KCNMA1: variants seen among roughly 807,000 people sequenced by gnomAD.
KCNMA1 encodes the protein potassium calcium-activated channel subfamily M alpha 1.
KCNMA1 carries 29 observed loss-of-function variants against 140.0 expected under a neutral mutation model. The observed-to-expected ratio is 0.21, with a 90% CI of 0.15 to 0.28. KCNMA1 has a LOEUF of 0.28. KCNMA1 is among the 10% of genes least tolerant of loss of function. The pLI, the probability that KCNMA1 is intolerant of heterozygous loss-of-function variation, is 1.00. For synonymous variants in KCNMA1, 612 were observed against 611.9 expected, an observed-to-expected ratio of 1.00 and a Z score of 0.00; for missense variants, 880 against 1,602.2, an observed-to-expected ratio of 0.55 and a Z score of 7.70.
In KCNMA1 at chr10:77,059,593, A is replaced by G. The variant is rs1292179350; in HGVS notation, c.1749+13504T>C. 2.0e-5 allele frequency among the ~76,000 whole-genome samples: 3 copies of G among 152,156 alleles called. No individual in the cohort carries two copies. The East Asian group carries it at 5.8e-4, about 29-fold the overall frequency. On this transcript the variant is annotated intron_variant, in intron 14 of 27. Coordinates refer to ENST00000286628, the MANE Select transcript of KCNMA1 (RefSeq NM_001161352.2). ...TTACCATATTAACAGTCTAAAGAAG[A>G]AAAACTACATGATCCTATACATTGA...
chr10:77,528,898 A>G (rs2056767921), intron 1 of KCNMA1, among the ~76,000 whole-genome samples: 1 of 152,098 alleles, frequency 6.6e-6, no homozygotes, highest in East Asian at 1.9e-4. Flanking sequence ...AGGCCTCAAG[A>G]AGCAGCAAGC....
chr10:77,080,245 C>T (rs1451736835), intron 12 of KCNMA1, among the ~76,000 whole-genome samples: 2 of 152,206 alleles, frequency 1.3e-5, no homozygotes, highest in Non-Finnish European at 2.9e-5. Flanking sequence ...GCCCCTTAAT[C>T]TGCATGCAAT....
intron 23 of KCNMA1, among the ~76,000 whole-genome samples, chr10:76,921,426 T>C (rs1354474253): frequency 6.6e-6 from 1 of 152,210 alleles, no homozygotes; most frequent in Admixed American, 6.5e-5. Context: ...TGCAGATCAA[T>C]AAAAATATTT....
intron 2 of KCNMA1, among the ~76,000 whole-genome samples, chr10:77,335,714 G>A (rs780128886): frequency 9.2e-5 from 14 of 152,236 alleles, no homozygotes; most frequent in Non-Finnish European, 1.5e-4. Flanking sequence ...ACCCTTTCTC[G>A]TTGGATCCAT....
intron 14 of KCNMA1, among the ~76,000 whole-genome samples, chr10:77,046,762 A>G (rs2153610280): frequency 6.6e-6 from 1 of 152,302 alleles, no homozygotes. Flanking sequence ...GTTCTTCAGT[A>G]TAATTGCAAA....
At chr10:77,398,548 G>T (rs1465351356) in intron 2 of KCNMA1, among the ~76,000 whole-genome samples, 1 of 152,138 alleles carries the variant, frequency 6.6e-6, no homozygotes, top group Non-Finnish European at 1.5e-5. Flanking sequence ...ATGTTATTTG[G>T]TGATTTTTGT....
intron 2 of KCNMA1, among the ~76,000 whole-genome samples, chr10:77,341,436 G>C (rs1241377496): frequency 2.0e-5 from 3 of 152,018 alleles, no homozygotes; most frequent in Non-Finnish European, 4.4e-5. Context: ...CTCTGCATGT[G>C]TCTCCATTTT....
At chr10:77,577,190 G>T (rs2074438508) in intron 1 of KCNMA1, among the ~76,000 whole-genome samples, 1 of 151,898 alleles carries the variant, frequency 6.6e-6, no homozygotes, top group Admixed American at 6.6e-5. Flanking sequence ...GGGATTACAG[G>T]CGCCCACCAC....
intron 1 of KCNMA1, among the ~76,000 whole-genome samples, chr10:77,585,372 C>T (rs192236061): frequency 9.8e-4 from 149 of 152,248 alleles, no homozygotes; most frequent in Admixed American, 1.8e-3. Context: ...AGGCCGTTGT[C>T]GCAGTTGTAT....
intron 22 of KCNMA1, among the ~76,000 whole-genome samples, chr10:76,948,033 C>T (rs1293270985): frequency 6.6e-6 from 1 of 152,042 alleles, no homozygotes; most frequent in Non-Finnish European, 1.5e-5. Context: ...GAGGCAGGCT[C>T]TTGTTCTGTT....
intron 9 of KCNMA1, among the ~76,000 whole-genome samples, chr10:77,104,230 G>A (rs1045012299): frequency 6.6e-6 from 1 of 152,184 alleles, no homozygotes; most frequent in Non-Finnish European, 1.5e-5. Context: ...GGGGCTTTAG[G>A]CTGCACTGAT....
At chr10:77,636,596 C>T in intron 1 of KCNMA1, 1 of 1,536,176 alleles carries the variant, frequency 6.5e-7, no homozygotes, top group Non-Finnish European at 8.7e-7. Flanking sequence ...GAGGTTACAT[C>T]AGATATGCGA....
chr10:76,954,729 A>G (rs2067544840), intron 20 of KCNMA1, among the ~76,000 whole-genome samples: 2 of 152,208 alleles, frequency 1.3e-5, no homozygotes, highest in Non-Finnish European at 2.9e-5. Context: ...GCTCAGATGC[A>G]TCTTAATAAA....
At chr10:77,451,095 C>T (rs1452932152) in intron 1 of KCNMA1, among the ~76,000 whole-genome samples, 1 of 152,152 alleles carries the variant, frequency 6.6e-6, no homozygotes, top group Non-Finnish European at 1.5e-5. Flanking sequence ...TTGGAAACTA[C>T]CCAGTCTCAG....
At chr10:77,045,737 T>G (rs1450097016) in intron 14 of KCNMA1, among the ~76,000 whole-genome samples, 1 of 152,226 alleles carries the variant, frequency 6.6e-6, no homozygotes, top group Admixed American at 6.5e-5. Context: ...TGAAACTGTG[T>G]TTCTCTAATG....
chr10:77,346,141 A>G (rs966463294), intron 2 of KCNMA1, among the ~76,000 whole-genome samples: 9 of 152,234 alleles, frequency 5.9e-5, no homozygotes, highest in Non-Finnish European at 1.0e-4. Flanking sequence ...AGAGTGCTGC[A>G]GTAACCATCA....
intron 5 of KCNMA1, among the ~76,000 whole-genome samples, chr10:77,137,541 G>A (rs1250301480): frequency 6.6e-6 from 1 of 152,086 alleles, no homozygotes; most frequent in East Asian, 1.9e-4. Context: ...TGCCATCACA[G>A]GTCCCACCTC....
chr10:77,191,610 A>G (rs1311970159), intron 3 of KCNMA1, among the ~76,000 whole-genome samples: 1 of 152,272 alleles, frequency 6.6e-6, no homozygotes, highest in Middle Eastern at 3.4e-3. Flanking sequence ...TCTTCACTTT[A>G]TCCCAGACAT....
intron 1 of KCNMA1, among the ~76,000 whole-genome samples, chr10:77,462,691 A>T (rs1051963826): frequency 8.5e-5 from 13 of 152,134 alleles, no homozygotes; most frequent in Non-Finnish European, 2.9e-5. Flanking sequence ...CCCCCGGGAG[A>T]GAGTCCCGCC....
Sources: allele counts gnomAD v4.1 joint callset (sites outside exome capture counted in the v4.1 genomes callset), GRCh38; gene constraint gnomAD v4.1.1; transcripts MANE v1.5; gene names NCBI Gene and HGNC (gene_info 2026-07-23, HGNC 2026-07-21).